The following INPP5A variants were observed in gnomAD, a reference collection of about 807,000 sequenced individuals.
INPP5A encodes the protein inositol polyphosphate-5-phosphatase A.
Under a neutral mutation model 65.2 loss-of-function variants are expected in INPP5A, and 14 were observed. The ratio of observed to expected loss-of-function variants is 0.21; its 90% CI spans 0.14 to 0.34. INPP5A has a LOEUF of 0.34. Ranked by LOEUF, INPP5A falls within the 10% of genes least tolerant of loss-of-function variation. INPP5A has a pLI of 1.00. For missense variants in INPP5A, 431 were observed against 545.6 expected, an observed-to-expected ratio of 0.79 and a Z score of 2.09; for synonymous variants, 207 against 208.3, an observed-to-expected ratio of 0.99 and a Z score of 0.05.
Position 132,675,177 on chromosome 10 carries a change from A to G in INPP5A, c.307-15215A>G, listed in dbSNP as rs945068481. ...ACAAATCAAGAAAACCATAGAGAGC[A>G]TAGGGGTGTGCCGCAGTCACACTGA... On this transcript the variant is annotated intron_variant, in intron 4 of 15. Coordinates refer to ENST00000368594, the MANE Select transcript of INPP5A (RefSeq NM_005539.5). The surrounding 1 kb of genome is among the most constrained non-coding windows in gnomAD (Gnocchi z 4.2). 6.6e-6 allele frequency among the ~76,000 whole-genome samples: 1 copy of G among 152,206 alleles called. No individual in the cohort carries two copies. Among genetic ancestry groups the G allele is most frequent in the South Asian group, 2.1e-4 (1 of 4,828 alleles).
At chr10:132,746,340 T>A (rs1846371231) in intron 9 of INPP5A, among the ~76,000 whole-genome samples, 1 of 152,218 alleles carries the variant, frequency 6.6e-6, no homozygotes, top group Non-Finnish European at 1.5e-5. Context: ...TAGTAGAGTT[T>A]TGGATTTTGT....
intron 4 of INPP5A, among the ~76,000 whole-genome samples, chr10:132,687,741 G>A (rs1173681823): frequency 6.6e-6 from 1 of 152,178 alleles, no homozygotes; most frequent in Non-Finnish European, 1.5e-5. Flanking sequence ...ATGTGTGTGT[G>A]CACATGCAAG....
At position 132,627,391 on chromosome 10, in the gene INPP5A, C is replaced by T. The variant is rs898077140; in HGVS notation, c.118-18477C>T. Among the ~76,000 whole-genome samples the T allele has an allele frequency of 6.6e-6, 1 of 152,160 alleles. No homozygotes were observed. Among genetic ancestry groups the T allele is most frequent in the Non-Finnish European group, 1.5e-5 (1 of 68,002 alleles). The stretch of plus-strand genomic sequence containing the variant: ...CCACACCTGTCCTGAGAGGGTCTGT[C>T]CTGGCCGCTGAGCAGGTGGGTCTGG... On this transcript the variant is annotated intron_variant, in intron 2 of 15. Coordinates refer to ENST00000368594, the MANE Select transcript of INPP5A (RefSeq NM_005539.5). The surrounding 1 kb of genome is among the most constrained non-coding windows in gnomAD (Gnocchi z 6.6).
Position 132,547,549 on chromosome 10 carries a change from C to T in INPP5A, c.75+9378C>T, listed in dbSNP as rs117491268. ...CCACCTGCCTGGCATCTGGGGTTCC[C>T]GGGAGGCCGGGCACCTGCACCCTCG... On this transcript the variant is annotated intron_variant, in intron 1 of 15. Transcript: ENST00000368594. This position sits in a 1 kb window ranked among gnomAD's most constrained non-coding sequence, Gnocchi z 5.5. Among the ~76,000 whole-genome samples the T allele has an allele frequency of 2.0e-5, 3 of 152,280 alleles. No homozygotes were observed. Among genetic ancestry groups the T allele is most frequent in the Middle Eastern group, 3.4e-3 (1 of 294 alleles).
At chr10:132,586,754 T>C (rs977338035) in intron 1 of INPP5A, among the ~76,000 whole-genome samples, 1 of 152,252 alleles carries the variant, frequency 6.6e-6, no homozygotes, top group Non-Finnish European at 1.5e-5. Flanking sequence ...CTGAAACAAG[T>C]ATGATTGACT....
chr10:132,554,687 G>T (rs1719818776), intron 1 of INPP5A, among the ~76,000 whole-genome samples: 1 of 150,738 alleles, frequency 6.6e-6, no homozygotes, highest in African/African-American at 2.4e-5. Flanking sequence ...ATTGTGTGTG[G>T]CATGATTGCT....
At chr10:132,596,019 A>G (rs1218323345) in intron 1 of INPP5A, among the ~76,000 whole-genome samples, 1 of 152,220 alleles carries the variant, frequency 6.6e-6, no homozygotes, top group East Asian at 1.9e-4. Context: ...GTGGCTGAAC[A>G]CACGCAGAGC....
chr10:132,721,229 G>C (rs1485319133), intron 8 of INPP5A, among the ~76,000 whole-genome samples: 1 of 146,210 alleles, frequency 6.8e-6, no homozygotes, highest in Non-Finnish European at 1.5e-5. Flanking sequence ...CTGTCTTCAG[G>C]GTTCTGTGGT....
chr10:132,564,192 C>T (rs1041713935), intron 1 of INPP5A, among the ~76,000 whole-genome samples: 6 of 152,058 alleles, frequency 3.9e-5, no homozygotes, highest in South Asian at 2.1e-4. Context: ...ATGTGGCGTG[C>T]GCGTTGTGGG....
chr10:132,753,023 G>A lies in INPP5A; in HGVS notation c.903+3178G>A, dbSNP rs1447426423. Reference sequence around the variant, plus strand: ...CATGTGGAAAGGCGGCCTGAGCTCAGGAGGCGCCTTCTGAGGCTGTTTCTC... The same window carrying A: ...CATGTGGAAAGGCGGCCTGAGCTCAAGAGGCGCCTTCTGAGGCTGTTTCTC... On this transcript the variant is annotated intron_variant, in intron 11 of 15. Transcript: ENST00000368594. The surrounding 1 kb of genome is among the most constrained non-coding windows in gnomAD (Gnocchi z 5.3). 6.6e-6 allele frequency among the ~76,000 whole-genome samples: 1 copy of A among 152,140 alleles called. No homozygotes were observed. The highest frequency in any genetic ancestry group is 6.5e-5 in the Admixed American group (1 of 15,288).
intron 8 of INPP5A, among the ~76,000 whole-genome samples, chr10:132,711,842 A>G (rs11146473): frequency 0.027 from 4,071 of 152,300 alleles, 173 homozygotes; most frequent in African/African-American, 0.092. Context: ...AGGGATTGGC[A>G]GGCACTGAGG....
At chr10:132,751,038 G>T (rs962943366) in intron 11 of INPP5A, among the ~76,000 whole-genome samples, 2 of 152,176 alleles carry the variant, frequency 1.3e-5, no homozygotes, top group African/African-American at 4.8e-5. Flanking sequence ...CCAGACAGAG[G>T]GGCACGCCCA....
At chr10:132,556,948 C>T (rs1343425842) in intron 1 of INPP5A, among the ~76,000 whole-genome samples, 2 of 152,194 alleles carry the variant, frequency 1.3e-5, no homozygotes, top group African/African-American at 2.4e-5. Context: ...TGTGACTTCT[C>T]AGGACGGTGT....
In INPP5A at chr10:132,689,001, CTG is replaced by C. The variant is rs558201105; in HGVS notation, c.307-1388_307-1387del. On this transcript the variant is annotated intron_variant, in intron 4 of 15. Transcript: ENST00000368594. ...TATGTGTGCAAGTGTGTGTGAGTGC[CTG>C]TGAGTGCTTGTGCGTGAGTGCATAT... is the stretch of plus-strand genomic sequence containing the variant. Among the ~76,000 whole-genome samples the C allele has an allele frequency of 5.9e-5, 9 of 152,082 alleles. No homozygotes were observed. The South Asian group carries it at 1.5e-3, about 25-fold the overall frequency.
At chr10:132,560,697 A>G (rs1316916741) in intron 1 of INPP5A, among the ~76,000 whole-genome samples, 1 of 152,166 alleles carries the variant, frequency 6.6e-6, no homozygotes, top group African/African-American at 2.4e-5. Context: ...CTTGGGCTCA[A>G]GGTATCCTCC....
Position 132,603,177 on chromosome 10 carries a change from C to T in INPP5A, c.76-4738C>T, listed in dbSNP as rs140274238. 1.8e-4 allele frequency among the ~76,000 whole-genome samples: 28 copies of T among 152,312 alleles called. No individual in the cohort carries two copies. In the East Asian group the frequency reaches 5.0e-3, roughly 27 times the overall value. Reference sequence around the variant, plus strand: ...GAAGCTACAAAGGGGAAGAGTTGGGCCTTCTGGGCGGCTGTGGGCCAGGCT... The same window carrying T: ...GAAGCTACAAAGGGGAAGAGTTGGGTCTTCTGGGCGGCTGTGGGCCAGGCT... On this transcript the variant is annotated intron_variant, in intron 1 of 15. Transcript: ENST00000368594. The surrounding 1 kb of genome is among the most constrained non-coding windows in gnomAD (Gnocchi z 4.2).
At chr10:132,669,831 TCC>T (rs1306853001) in intron 4 of INPP5A, among the ~76,000 whole-genome samples, 2 of 152,038 alleles carry the variant, frequency 1.3e-5, no homozygotes, top group African/African-American at 2.4e-5. Context: ...CGTGTCCCTG[TCC>T]CCACTGTGGC....
chr10:132,677,125 G>C (rs1177280504), intron 4 of INPP5A, among the ~76,000 whole-genome samples: 1 of 152,128 alleles, frequency 6.6e-6, no homozygotes, highest in African/African-American at 2.4e-5. Context: ...CACCTGTCCT[G>C]AACTGTAGAC....
In INPP5A at chr10:132,592,686, C is replaced by T. The variant is rs111585023; in HGVS notation, c.76-15229C>T. Among the ~76,000 whole-genome samples, 606 of 152,314 alleles carry T rather than the reference C, an allele frequency of 4.0e-3. 3 individuals carry two copies. The highest frequency in any genetic ancestry group is 0.014 in the African/African-American group (576 of 41,570). On this transcript the variant is annotated intron_variant, in intron 1 of 15. Coordinates refer to ENST00000368594, the MANE Select transcript of INPP5A (RefSeq NM_005539.5). ...CTTCCCAAAGTGCTCGGATCACAGG[C>T]GTGAGCCACCGTGTCCGGCCAAAAA...
Sources: allele counts gnomAD v4.1 joint callset (sites outside exome capture counted in the v4.1 genomes callset), GRCh38; gene constraint gnomAD v4.1.1; non-coding constraint Gnocchi (gnomAD v3.1); transcripts MANE v1.5; gene names NCBI Gene and HGNC (gene_info 2026-07-23, HGNC 2026-07-21).